Variants in SPOCK3 observed in about 807,000 individuals in gnomAD.
The protein encoded by SPOCK3 is SPARC (osteonectin), cwcv and kazal like domains proteoglycan 3, also known as testican-3.
A neutral mutation model predicts 56.6 loss-of-function variants in SPOCK3; 30 were observed. The observed-to-expected ratio is 0.53, with a 90% confidence interval of 0.40 to 0.72. SPOCK3 has a LOEUF of 0.72. Among genes scored for constraint, SPOCK3 ranks in the 30% least tolerant of loss-of-function variants. SPOCK3 has a pLI of 0.00. For synonymous variants in SPOCK3, 196 were observed against 183.3 expected (o/e 1.07, Z -0.56); for missense variants, 527 against 530.0 (o/e 0.99, Z 0.06).
intron 5 of SPOCK3, among the ~76,000 whole-genome samples, chr4:166,890,841 T>C (rs953988406): frequency 1.3e-5 from 2 of 151,998 alleles, no homozygotes; most frequent in African/African-American, 2.4e-5. Flanking sequence ...CTGTCTAAGA[T>C]TGACAATGAG....
rs1441070587 is a variant in SPOCK3, at chr4:167,234,433, G to A, written c.-1+17C>T. The A allele has an allele frequency of 3.2e-5, 18 of 557,204 alleles. No homozygotes were observed. Among genetic ancestry groups the A allele is most frequent in the Admixed American group, 1.5e-4 (5 of 32,658 alleles). 34.5% of individuals were successfully genotyped at this position (557,204 alleles called of 1,614,324 possible). On this transcript the variant is annotated intron_variant, in intron 1 of 10. Transcript: ENST00000357545. ...CAGCAGCCCGAGCGGGCACAAAACC[G>A]CTTCCTGGCACATCACCTTGTTGTG...
At chr4:166,737,312 A>G (rs1190535361) in intron 10 of SPOCK3, among the ~76,000 whole-genome samples, 155 bp downstream of exon 10, 1 of 152,160 alleles carries the variant, frequency 6.6e-6, no homozygotes, top group Non-Finnish European at 1.5e-5. Context: ...TTAACATGCT[A>G]GGAGTAAGTT....
chr4:167,117,171 C>CA (rs1325264216), intron 2 of SPOCK3, among the ~76,000 whole-genome samples: 3 of 151,590 alleles, frequency 2.0e-5, no homozygotes, highest in African/African-American at 7.3e-5. Flanking sequence ...ATGCTTGTAT[C>CA]AAAAAATCAC....
At chr4:167,157,967 T>C (rs1764957893) in intron 2 of SPOCK3, among the ~76,000 whole-genome samples, 1 of 152,024 alleles carries the variant, frequency 6.6e-6, no homozygotes, top group Non-Finnish European at 1.5e-5. Context: ...CAGAGGTCTT[T>C]ATATTATTTT....
At chr4:167,124,231 A>G (rs1762099956) in intron 2 of SPOCK3, among the ~76,000 whole-genome samples, 1 of 152,128 alleles carries the variant, frequency 6.6e-6, no homozygotes. Context: ...CTCCCCAGGG[A>G]CTTCATCTGG....
chr4:167,120,643 T>G (rs2150363356), intron 2 of SPOCK3, among the ~76,000 whole-genome samples: 1 of 152,156 alleles, frequency 6.6e-6, no homozygotes, highest in East Asian at 1.9e-4. Context: ...GTCCTTGAAT[T>G]TAGGATTTGT....
intron 2 of SPOCK3, among the ~76,000 whole-genome samples, chr4:167,078,926 G>A (rs2150285031): frequency 6.6e-6 from 1 of 151,848 alleles, no homozygotes; most frequent in Non-Finnish European, 1.5e-5. Context: ...TCTGACTCTG[G>A]GGCTTTGTAC....
intron 7 of SPOCK3, among the ~76,000 whole-genome samples, chr4:166,771,564 T>C (rs924541169): frequency 7.9e-5 from 12 of 151,978 alleles, no homozygotes; most frequent in African/African-American, 2.9e-4. Flanking sequence ...CATCAAATTG[T>C]TTTTTTAGCA....
At chr4:167,017,814 C>A (rs1450572104) in intron 3 of SPOCK3, among the ~76,000 whole-genome samples, 1 of 151,900 alleles carries the variant, frequency 6.6e-6, no homozygotes, top group Non-Finnish European at 1.5e-5. Context: ...GTACTTAAAA[C>A]CTTTGTTTCA....
At chr4:167,112,111 A>G (rs1409820853) in intron 2 of SPOCK3, among the ~76,000 whole-genome samples, 1 of 152,152 alleles carries the variant, frequency 6.6e-6, no homozygotes, top group Non-Finnish European at 1.5e-5. Context: ...AACAGGAAAT[A>G]TACTAGCATC....
At chr4:166,837,453 GCCA>G (rs1746740605) in intron 6 of SPOCK3, among the ~76,000 whole-genome samples, 1 of 152,202 alleles carries the variant, frequency 6.6e-6, no homozygotes, top group East Asian at 1.9e-4. Flanking sequence ...AAAGGCATGA[GCCA>G]CCACACCTGG....
At chr4:167,109,629 A>C (rs1048866958) in intron 2 of SPOCK3, among the ~76,000 whole-genome samples, 1 of 144,134 alleles carries the variant, frequency 6.9e-6, no homozygotes, top group East Asian at 2.0e-4. Flanking sequence ...AATAAAGTTT[A>C]ACTCTTCTAA....
At chr4:166,953,303 A>G (rs1009234383) in intron 4 of SPOCK3, among the ~76,000 whole-genome samples, 2 of 152,238 alleles carry the variant, frequency 1.3e-5, no homozygotes, top group African/African-American at 2.4e-5. Flanking sequence ...TCAAAAGAAG[A>G]CATTTATGCA....
At chr4:166,864,904 A>G (rs1352242934) in intron 6 of SPOCK3, among the ~76,000 whole-genome samples, 2 of 152,198 alleles carry the variant, frequency 1.3e-5, no homozygotes, top group Admixed American at 6.5e-5. Context: ...AATGAAAGAA[A>G]AAGAGGGAGC....
chr4:166,845,597 A>C (rs1221440793), intron 6 of SPOCK3, among the ~76,000 whole-genome samples: 1 of 152,190 alleles, frequency 6.6e-6, no homozygotes, highest in Non-Finnish European at 1.5e-5. Flanking sequence ...AACCAACTTT[A>C]CCAGAGGGTA....
intron 6 of SPOCK3, among the ~76,000 whole-genome samples, chr4:166,810,381 G>C (rs537510077): frequency 2.2e-4 from 33 of 152,078 alleles, no homozygotes; most frequent in Admixed American, 1.2e-3. Context: ...TTGAATGCTA[G>C]ACATTACAGA....
chr4:167,102,304 G>A (rs1241206111), intron 2 of SPOCK3: 2 of 152,142 alleles, frequency 1.3e-5, no homozygotes, highest in Non-Finnish European at 2.9e-5. Context: ...GAACATTCCA[G>A]ATGGGGCAGA....
intron 6 of SPOCK3, among the ~76,000 whole-genome samples, chr4:166,793,217 T>A (rs2126658574): frequency 6.6e-6 from 1 of 152,220 alleles, no homozygotes; most frequent in Admixed American, 6.5e-5. Context: ...TGATTAAAAA[T>A]TATGCAATTA....
chr4:166,959,701 A>T (rs1209140060), intron 4 of SPOCK3, among the ~76,000 whole-genome samples: 1 of 152,172 alleles, frequency 6.6e-6, no homozygotes, highest in African/African-American at 2.4e-5. Flanking sequence ...TACTATCTTT[A>T]CTTAATAATA....
Sources: allele counts gnomAD v4.1 joint callset (sites outside exome capture counted in the v4.1 genomes callset), GRCh38; gene constraint gnomAD v4.1.1; transcripts MANE v1.5; gene names NCBI Gene and HGNC (gene_info 2026-07-23, HGNC 2026-07-21).